CA8: variants seen among roughly 807,000 people sequenced by gnomAD.
CA8 encodes carbonic anhydrase-related protein.
Under a neutral mutation model 41.4 loss-of-function variants are expected in CA8, and 22 were observed. That is an observed-to-expected ratio of 0.53 (90% CI 0.38 to 0.76). CA8 has a LOEUF of 0.76. CA8 is among the 30% of genes least tolerant of loss of function. The pLI is 0.00. For missense variants in CA8, 270 were observed against 352.8 expected (o/e 0.77, Z 1.88); for synonymous variants, 121 against 130.6 (o/e 0.93, Z 0.50).
rs1585851415 is a variant in CA8 at position 60,207,302 on chromosome 8, A to C, written c.*35+1448T>G. On this transcript the variant is annotated intron_variant, in intron 8 of 8. Coordinates refer to ENST00000317995, the MANE Select transcript of CA8 (RefSeq NM_004056.6). The stretch of plus-strand genomic sequence containing the variant: ...AGATTTTATGCACACTTAATTAAGT[A>C]ACCCCATTAGATCCATCAGAACATT... Among the ~76,000 whole-genome samples the C allele has an allele frequency of 2.0e-5, 3 of 152,378 alleles. No individual in the cohort carries two copies. In the East Asian group the frequency reaches 5.8e-4, roughly 29 times the overall value.
At chr8:60,267,941 G>A (rs188855272) in intron 2 of CA8, among the ~76,000 whole-genome samples, 13 of 152,192 alleles carry the variant, frequency 8.5e-5, no homozygotes, top group East Asian at 3.9e-4. Context: ...TGTATGAAAC[G>A]TTTCTAAACA....
chr8:60,230,444 G>T (rs1007522583), intron 4 of CA8, among the ~76,000 whole-genome samples: 2 of 152,042 alleles, frequency 1.3e-5, no homozygotes, highest in African/African-American at 4.8e-5. Context: ...GCCAGTTATT[G>T]CCCCATCTGT....
intron 7 of CA8, among the ~76,000 whole-genome samples, chr8:60,210,423 C>T (rs145506527): frequency 6.6e-6 from 1 of 152,264 alleles, no homozygotes; most frequent in East Asian, 1.9e-4. Context: ...CCTATAGAGA[C>T]TTTAGGGGGC....
intron 7 of CA8, 138 bp from the exon 8 acceptor site, chr8:60,209,057 G>GAA: frequency 1.0e-6 from 1 of 979,734 alleles, no homozygotes; most frequent in Non-Finnish European, 1.5e-6. Flanking sequence ...GCTTCAAAAA[G>GAA]AAAAAAAACA....
chr8:60,216,277 A>G (rs1807018269), intron 7 of CA8, among the ~76,000 whole-genome samples: 1 of 152,196 alleles, frequency 6.6e-6, no homozygotes, highest in Non-Finnish European at 1.5e-5. Context: ...TCAAGGACAG[A>G]CTGACTTATA....
intron 3 of CA8, 45 bp downstream of exon 3, chr8:60,265,880 T>G (rs1053931215): frequency 4.4e-6 from 7 of 1,590,916 alleles, no homozygotes; most frequent in Admixed American, 1.7e-5. Context: ...GCTGAATACT[T>G]TATTCAGAAA....
chr8:60,209,828 C>T (rs573384720), intron 7 of CA8, among the ~76,000 whole-genome samples: 3 of 152,254 alleles, frequency 2.0e-5, no homozygotes, highest in Non-Finnish European at 4.4e-5. Context: ...CCATGGCTTC[C>T]CCACTGTAAG....
intron 8 of CA8, among the ~76,000 whole-genome samples, chr8:60,199,836 T>G (rs1263566929): frequency 6.6e-6 from 1 of 152,222 alleles, no homozygotes. Flanking sequence ...CCAATCTATA[T>G]GTACCAACAT....
rs1455037095 is a variant in CA8, at chr8:60,281,031, G to C, written c.100+17C>G. On this transcript the variant is annotated intron_variant, in intron 1 of 8. Coordinates refer to ENST00000317995, the MANE Select transcript of CA8 (RefSeq NM_004056.6). ...GCCGCCGCGGGACCCCGGACACCCCGACTCGCGGCCACTTACCTTCCTCGT... is the reference window on the plus strand; with the variant it reads ...GCCGCCGCGGGACCCCGGACACCCCCACTCGCGGCCACTTACCTTCCTCGT... The C allele has an allele frequency of 6.3e-7, 1 of 1,587,538 alleles. No homozygotes were observed. The highest frequency in any genetic ancestry group is 2.2e-5 in the East Asian group (1 of 44,708).
At position 60,231,202 on chromosome 8, in the gene CA8, G is replaced by A. The variant is rs555451507; in HGVS notation, c.513+1082C>T. Among the ~76,000 whole-genome samples, 11 of 151,770 alleles carry A rather than the reference G, an allele frequency of 7.2e-5. No individual in the cohort carries two copies. In the South Asian group the frequency reaches 1.3e-3, roughly 17 times the overall value. Reference sequence around the variant, plus strand: ...TGTGATTTCTTTCTAGTTATATAACGCCGTTATAAAACACAAGGAATATAG... The same window carrying A: ...TGTGATTTCTTTCTAGTTATATAACACCGTTATAAAACACAAGGAATATAG... On this transcript the variant is annotated intron_variant, in intron 4 of 8. Transcript: ENST00000317995.
intron 8 of CA8, among the ~76,000 whole-genome samples, chr8:60,202,591 T>C (rs1278808161): frequency 4.6e-5 from 7 of 152,212 alleles, no homozygotes; most frequent in African/African-American, 1.7e-4. Context: ...TACTTCATGC[T>C]GTGTCTAAGA....
chr8:60,270,180 C>A (rs1347493387), intron 2 of CA8, among the ~76,000 whole-genome samples: 1 of 152,164 alleles, frequency 6.6e-6, no homozygotes, highest in African/African-American at 2.4e-5. Flanking sequence ...ATCATATCTG[C>A]AATTTAAAGT....
Position 60,267,806 on chromosome 8 carries a change from A to G in CA8, c.293-1757T>C, listed in dbSNP as rs570606076. Among the ~76,000 whole-genome samples the G allele has an allele frequency of 4.6e-5, 7 of 152,320 alleles. No homozygotes were observed. In the South Asian group the frequency reaches 1.4e-3, roughly 32 times the overall value. ...TCCTTGGAGAACTGCACTTCATCCTATTTCCCAGAACAATCTAAAAAACTT... is the reference window on the plus strand; with the variant it reads ...TCCTTGGAGAACTGCACTTCATCCTGTTTCCCAGAACAATCTAAAAAACTT... On this transcript the variant is annotated intron_variant, in intron 2 of 8. Transcript: ENST00000317995.
At chr8:60,258,070 G>A (rs1014158854) in intron 3 of CA8, among the ~76,000 whole-genome samples, 2 of 152,116 alleles carry the variant, frequency 1.3e-5, no homozygotes, top group Admixed American at 6.5e-5. Flanking sequence ...GCTACATCTC[G>A]CCCAGAGCAT....
rs1341291171 is a variant in CA8, at chr8:60,187,921, AGTT to A, written c.*2097_*2099del. On this transcript the variant is annotated 3_prime_UTR_variant, in exon 9 of 9. Transcript: ENST00000317995. ...ACACCATCAAAACAGATTTGAGATT[AGTT>A]GTTGTGCTTTCGTTTACTGACAAAC... 9 of 152,150 alleles carry A rather than the reference AGTT, an allele frequency of 5.9e-5. No individual in the cohort carries two copies. Among genetic ancestry groups the A allele is most frequent in the African/African-American group, 1.7e-4 (7 of 41,438 alleles). 9.4% of individuals were successfully genotyped at this position (152,150 alleles called of 1,614,324 possible). A position where few individuals can be genotyped will look rare whatever the true frequency, so the allele number is the denominator to read the frequency against.
In CA8 at chr8:60,279,816, G is replaced by C. The variant is rs1804352121; in HGVS notation, c.165C>G (p.Asn55Lys). 6.2e-7 allele frequency: 1 copy of C among 1,613,934 alleles called. No individual in the cohort carries two copies. The highest frequency in any genetic ancestry group is 8.5e-7 in the Non-Finnish European group (1 of 1,179,990). Residue 55 changes from asparagine (N) to lysine (K), a missense_variant, in exon 2 of 9, where the codon AAC becomes AAG. Transcript: ENST00000317995. The stretch of plus-strand genomic sequence containing the variant: ...AGGGGTCATACCTAGCCTCTCTTGA[G>C]TTTAGGTTAATAGGAGACTGGTATT... ...NGEYQSPINL[N>K]SREARYDPSL...
chr8:60,271,533 A>G (rs1422159286), intron 2 of CA8, among the ~76,000 whole-genome samples: 1 of 152,176 alleles, frequency 6.6e-6, no homozygotes, highest in Non-Finnish European at 1.5e-5. Flanking sequence ...GGGGGGGAAA[A>G]GTAGGATTAA....
intron 3 of CA8, among the ~76,000 whole-genome samples, chr8:60,234,723 T>C (rs1006976099): frequency 6.6e-5 from 10 of 152,166 alleles, no homozygotes; most frequent in African/African-American, 1.7e-4. Context: ...CTCTACCTTC[T>C]GGGTCTTCAA....
Position 60,214,653 on chromosome 8 carries a change from T to C in CA8, c.739-5734A>G, listed in dbSNP as rs565415636. On this transcript the variant is annotated intron_variant, in intron 7 of 8. Transcript: ENST00000317995. ...CATGAATGGGGTCAGACTTCCTCAA[T>C]TGTCCAGGGCCAGATGTGCTTCCAG... Among the ~76,000 whole-genome samples the C allele has an allele frequency of 1.8e-4, 28 of 152,242 alleles. No individual in the cohort carries two copies. In the East Asian group the frequency reaches 3.9e-3, roughly 21 times the overall value.
Sources: gnomAD v4.1 joint callset for allele counts (sites outside exome capture counted in the v4.1 genomes callset) on GRCh38, gnomAD v4.1.1 for gene constraint, MANE v1.5 for transcripts, NCBI Gene and HGNC (gene_info 2026-07-23, HGNC 2026-07-21) for gene names.